Variants in FH observed in about 807,000 individuals in gnomAD.
FH encodes fumarate hydratase, also known as fumarate hydratase, mitochondrial.
In FH, 22 loss-of-function variants were observed where a neutral mutation model predicts 49.4. That is an observed-to-expected ratio of 0.45 (90% confidence interval 0.32 to 0.64). The LOEUF is 0.64. Ranked by LOEUF, FH falls within the 30% of genes least tolerant of loss-of-function variation. The probability of loss-of-function intolerance (pLI) is 0.05; values close to 1 mark genes in which losing one functional copy is unlikely to be tolerated. For synonymous variants in FH, 208 were observed against 223.0 expected, an observed-to-expected ratio of 0.93 and a Z score of 0.60; for missense variants, 526 against 641.5, an observed-to-expected ratio of 0.82 and a Z score of 1.95.
intron 7 of FH, among the ~76,000 whole-genome samples, chr1:241,502,889 T>C (rs1659818867): frequency 1.3e-5 from 2 of 152,200 alleles, no homozygotes; most frequent in Admixed American, 1.3e-4. Context: ...GGCCCTGCCC[T>C]CGCAGAACTT....
At chr1:241,501,111 ACTCCAGT>A (rs1573878577) in intron 8 of FH, among the ~76,000 whole-genome samples, 1 of 152,196 alleles carries the variant, frequency 6.6e-6, no homozygotes, top group Non-Finnish European at 1.5e-5. Flanking sequence ...TTTAACGAAT[ACTCCAGT>A]CACTGTAAAA....
At position 241,508,853 on chromosome 1, in the gene FH, T is replaced by TA. The variant is rs1166312289; in HGVS notation, c.556-69dup. On this transcript the variant is annotated intron_variant, in intron 4 of 9. Transcript: ENST00000366560. ...AGGCAACAAAAACAAACTTCTGAATTAAACTTCTCAATTAAAAAACTCTCC... is the reference window on the plus strand; with the variant it reads ...AGGCAACAAAAACAAACTTCTGAATTAAAACTTCTCAATTAAAAAACTCTCC... The TA allele has an allele frequency of 1.2e-5, 16 of 1,378,856 alleles. No homozygotes were observed. In the South Asian group the frequency reaches 1.7e-4, roughly 15 times the overall value. The allele number at this position is 1,378,856 out of a possible 1,614,324, so 85.4% of individuals were successfully genotyped here.
chr1:241,519,704 G>C lies in FH; in HGVS notation c.19C>G (p.Leu7Val). 6.5e-7 allele frequency: 1 copy of C among 1,546,918 alleles called. No homozygotes were observed. The highest frequency in any genetic ancestry group is 1.4e-5 in the African/African-American group (1 of 72,918). Residue 7 changes from leucine (L) to valine (V), a missense_variant, in exon 1 of 10, where the codon CTC becomes GTC. Around this residue, in one of 2 missense-constraint regions of FH, gnomAD observed 143 missense variants for 127.5 expected, o/e 1.12. Transcript: ENST00000366560. ...ACGAGGGGACGCGAGCGCGCGAGGA[G>C]CCGAAGTGCTCGGTACATGGTGCTG... MYRALRLLARSRPLVRA... is the reference protein window; with the variant it reads MYRALRVLARSRPLVRA...
chr1:241,504,701 T>C (rs1289893278), intron 6 of FH, among the ~76,000 whole-genome samples: 1 of 151,858 alleles, frequency 6.6e-6, no homozygotes, highest in Non-Finnish European at 1.5e-5. Flanking sequence ...CTTGGTCTCC[T>C]GAAGTGCTGG....
At chr1:241,519,470 G>A (rs1177183576) in intron 1 of FH, 121 bp downstream of exon 1, 7 of 1,260,370 alleles carry the variant, frequency 5.6e-6, no homozygotes, top group African/African-American at 1.6e-5. Context: ...GCTAAGCCCA[G>A]AGTCTGGCGC....
At chr1:241,517,337 C>T (rs1660247274) in intron 1 of FH, 21 bp from the exon 2 acceptor site, 1 of 1,613,634 alleles carries the variant, frequency 6.2e-7, no homozygotes, top group African/African-American at 1.3e-5. Flanking sequence ...GAATACAACA[C>T]TATTACAAGT....
rs1270246282 is a variant in FH at position 241,508,666 on chromosome 1, A to C, written c.675T>G (p.Phe225Leu). ...TACGTCCAATCTTGATGATCTGTGC[A>C]AACTCTTTGGATTTTGCATCAAGAG... ...HDALDAKSKE[F>L]AQIIKIGRTH... The change falls in exon 5 of 10, where the codon TTT becomes TTG. Residue 225 changes from phenylalanine to leucine, a missense_variant. By Grantham distance (22) the Phe-to-Leu change is conservative (BLOSUM62 0). This residue lies in a region of FH where 383 missense variants were observed against 514.0 expected (regional missense o/e 0.75). Coordinates refer to ENST00000366560, the MANE Select transcript of FH (RefSeq NM_000143.4). The C allele has an allele frequency of 6.2e-7, 1 of 1,613,786 alleles. No homozygotes were observed. The highest frequency in any genetic ancestry group is 2.2e-5 in the East Asian group (1 of 44,876).
chr1:241,501,080 A>C (rs966633212), intron 8 of FH, among the ~76,000 whole-genome samples: 4 of 152,218 alleles, frequency 2.6e-5, no homozygotes, highest in African/African-American at 9.6e-5. Flanking sequence ...AATGATCACC[A>C]AATTTCTAGG....
chr1:241,509,829 G>GCA (rs1660037949), intron 4 of FH, among the ~76,000 whole-genome samples: 1 of 135,504 alleles, frequency 7.4e-6, no homozygotes, highest in Non-Finnish European at 1.6e-5. Flanking sequence ...ACACACGCAT[G>GCA]CACACACACA....
intron 9 of FH, 54 bp from the exon 10 acceptor site, chr1:241,498,024 T>C: frequency 1.3e-6 from 2 of 1,577,176 alleles, no homozygotes; most frequent in Non-Finnish European, 1.7e-6. Flanking sequence ...TTTGGTTTCC[T>C]AAAGCAAAAG....
intron 2 of FH, among the ~76,000 whole-genome samples, chr1:241,514,635 T>C (rs1261811221): frequency 6.6e-6 from 1 of 151,828 alleles, no homozygotes; most frequent in East Asian, 1.9e-4. Flanking sequence ...GGAATCAAAG[T>C]AGAAAAAGCC....
chr1:241,515,356 G>A (rs999014557), intron 2 of FH, among the ~76,000 whole-genome samples: 7 of 152,262 alleles, frequency 4.6e-5, no homozygotes, highest in African/African-American at 1.7e-4. Context: ...ACAGATCAAT[G>A]AAAACGGCAG....
intron 7 of FH, among the ~76,000 whole-genome samples, chr1:241,503,621 G>A (rs998192970): frequency 7.2e-5 from 11 of 152,156 alleles, no homozygotes; most frequent in African/African-American, 1.2e-4. Context: ...CACTGCCCAC[G>A]CTTCTCCACT....
chr1:241,518,579 A>C (rs1237658674), intron 1 of FH, among the ~76,000 whole-genome samples: 1 of 152,188 alleles, frequency 6.6e-6, no homozygotes, highest in Non-Finnish European at 1.5e-5. Context: ...TGGGGCACTT[A>C]TTTAATGAGC....
Position 241,498,393 on chromosome 1 carries a change from A to G in FH, c.1391-423T>C, listed in dbSNP as rs977775964. On this transcript the variant is annotated intron_variant, in intron 9 of 9. Transcript: ENST00000366560. The stretch of plus-strand genomic sequence containing the variant: ...AGTCCAGCAGAAAATAAAGCACTGC[A>G]CGTCTGGCAACTGTGGTGAGTGGCT... Among the ~76,000 whole-genome samples the G allele has an allele frequency of 6.6e-4, 100 of 152,042 alleles. 1 individual carries two copies. The highest frequency in any genetic ancestry group is 6.5e-3 in the Admixed American group (99 of 15,262).
chr1:241,515,774 T>A lies in FH; in HGVS notation c.267+1408A>T, dbSNP rs145339998. Reference sequence around the variant, plus strand: ...TAGAATATGTTATGCATTTCTCAATTCTTTTCACACTTTAACATCTCTGAA... The same window carrying A: ...TAGAATATGTTATGCATTTCTCAATACTTTTCACACTTTAACATCTCTGAA... On this transcript the variant is annotated intron_variant, in intron 2 of 9. Coordinates refer to ENST00000366560, the MANE Select transcript of FH (RefSeq NM_000143.4). Among the ~76,000 whole-genome samples the A allele has an allele frequency of 3.6e-3, 541 of 152,340 alleles. 6 individuals are homozygous for A. The highest frequency in any genetic ancestry group is 4.1e-3 in the Non-Finnish European group (279 of 68,030).
At chr1:241,500,311 G>T in intron 9 of FH, 126 bp downstream of exon 9, 1 of 900,512 alleles carries the variant, frequency 1.1e-6, no homozygotes, top group Non-Finnish European at 1.8e-6. Flanking sequence ...AATATTTTGA[G>T]ATTTTACTAA....
chr1:241,517,050 C>G, intron 2 of FH, 132 bp downstream of exon 2: 1 of 1,070,686 alleles, frequency 9.3e-7, no homozygotes, highest in Non-Finnish European at 1.4e-6. Context: ...AAGAGAACCT[C>G]TTATTACTCA....
At chr1:241,517,422 C>T in intron 1 of FH, 106 bp from the exon 2 acceptor site, 7 of 1,235,454 alleles carry the variant, frequency 5.7e-6, no homozygotes, top group Non-Finnish European at 8.0e-6. Context: ...ATAAGTATCA[C>T]AAAGACAAAA....
Sources: gnomAD v4.1 joint callset for allele counts (sites outside exome capture counted in the v4.1 genomes callset) on GRCh38, gnomAD v4.1.1 for gene constraint, gnomAD v4.1.1 regional missense constraint, MANE v1.5 for transcripts, NCBI Gene and HGNC (gene_info 2026-07-23, HGNC 2026-07-21) for gene names.